Variants in DRC11 observed in about 807,000 individuals in gnomAD.
DRC11 encodes IQ and AAA domain-containing protein 1.
chr2:236,501,603 A>G, the DRC11 span, among the ~76,000 whole-genome samples: 1 of 152,186 alleles, frequency 6.6e-6, no homozygotes, highest in Non-Finnish European at 1.5e-5. Flanking sequence ...ACAGAGGATC[A>G]GCATGGTGTG....
At chr2:236,433,966 A>G in the DRC11 span, among the ~76,000 whole-genome samples, 1 of 152,226 alleles carries the variant, frequency 6.6e-6, no homozygotes, top group African/African-American at 2.4e-5. Context: ...AAATATCAAA[A>G]ATGGATGTTA....
the DRC11 span, among the ~76,000 whole-genome samples, chr2:236,358,217 T>G: frequency 1.6e-5 from 2 of 124,936 alleles, no homozygotes; most frequent in African/African-American, 6.2e-5. Context: ...TATGAATATA[T>G]TATATACTGT....
At chr2:236,490,916 GTA>G in the DRC11 span, among the ~76,000 whole-genome samples, 15 of 143,394 alleles carry the variant, frequency 1.0e-4, no homozygotes, top group East Asian at 4.3e-4. This position sits in a 1 kb window ranked among gnomAD's most constrained non-coding sequence, Gnocchi z 5.5. Flanking sequence ...GTGTGTGTGT[GTA>G]TATATATGTG....
At chr2:236,455,685 G>A in the DRC11 span, among the ~76,000 whole-genome samples, 3 of 152,172 alleles carry the variant, frequency 2.0e-5, no homozygotes, top group Admixed American at 6.5e-5. This position sits in a 1 kb window ranked among gnomAD's most constrained non-coding sequence, Gnocchi z 5.7. Flanking sequence ...ACAAGCCTTC[G>A]AACGACAAAG....
chr2:236,472,433 T>G, the DRC11 span, among the ~76,000 whole-genome samples: 3 of 152,192 alleles, frequency 2.0e-5, no homozygotes, highest in African/African-American at 7.2e-5. The surrounding 1 kb of genome is among the most constrained non-coding windows in gnomAD (Gnocchi z 4.6). Context: ...AGTTCATAAC[T>G]TCAGCAGTAT....
At chr2:236,370,214 G>C in the DRC11 span, among the ~76,000 whole-genome samples, 1 of 152,184 alleles carries the variant, frequency 6.6e-6, no homozygotes, top group African/African-American at 2.4e-5. This position sits in a 1 kb window ranked among gnomAD's most constrained non-coding sequence, Gnocchi z 5.5. Context: ...TTTACACCAA[G>C]CATCACCGAA....
chr2:236,465,812 T>A, the DRC11 span: 1 of 725,262 alleles, frequency 1.4e-6, no homozygotes, highest in South Asian at 1.8e-5. This position sits in a 1 kb window ranked among gnomAD's most constrained non-coding sequence, Gnocchi z 6.2. Context: ...CCATAGTGTC[T>A]AGCAAAGGCA....
chr2:236,358,731 T>C, the DRC11 span, among the ~76,000 whole-genome samples: 1 of 149,276 alleles, frequency 6.7e-6, no homozygotes, highest in South Asian at 2.1e-4. Flanking sequence ...AACGTGCCCA[T>C]TTTACAGATG....
At chr2:236,472,703 A>T in the DRC11 span, among the ~76,000 whole-genome samples, 166 of 152,294 alleles carry the variant, frequency 1.1e-3, no homozygotes, top group African/African-American at 3.9e-3. The surrounding 1 kb of genome is among the most constrained non-coding windows in gnomAD (Gnocchi z 4.6). Flanking sequence ...ATCTGTCATA[A>T]GGGCCTCCTA....
At chr2:236,364,270 C>T in the DRC11 span, among the ~76,000 whole-genome samples, 12 of 150,668 alleles carry the variant, frequency 8.0e-5, no homozygotes, top group Admixed American at 7.9e-4. Context: ...TTTTAAAGAG[C>T]ATTCCTGCAA....
the DRC11 span, among the ~76,000 whole-genome samples, chr2:236,486,045 C>G: frequency 1.3e-5 from 2 of 152,210 alleles, no homozygotes; most frequent in Admixed American, 6.5e-5. The surrounding 1 kb of genome is among the most constrained non-coding windows in gnomAD (Gnocchi z 5.7). Context: ...CTTCTGTGAT[C>G]ATTTGCATAA....
chr2:236,363,720 G>T, the DRC11 span: 117 of 1,284,744 alleles, frequency 9.1e-5, no homozygotes, highest in African/African-American at 1.5e-3. The surrounding 1 kb of genome is among the most constrained non-coding windows in gnomAD (Gnocchi z 5.6). Flanking sequence ...TATCTGCAGG[G>T]TTTGAAAATG....
At chr2:236,314,766 C>A in the DRC11 span, among the ~76,000 whole-genome samples, 1 of 152,044 alleles carries the variant, frequency 6.6e-6, no homozygotes, top group Non-Finnish European at 1.5e-5. The surrounding 1 kb of genome is among the most constrained non-coding windows in gnomAD (Gnocchi z 4.5). Flanking sequence ...GATATCTACA[C>A]AGAAAATTAC....
At chr2:236,339,310 T>C in the DRC11 span, among the ~76,000 whole-genome samples, 1 of 152,244 alleles carries the variant, frequency 6.6e-6, no homozygotes, top group African/African-American at 2.4e-5. Flanking sequence ...GTTCTATTAA[T>C]AGATAGAAGT....
chr2:236,343,117 G>A, the DRC11 span, among the ~76,000 whole-genome samples: 6 of 152,104 alleles, frequency 3.9e-5, no homozygotes, highest in East Asian at 1.9e-4. The surrounding 1 kb of genome is among the most constrained non-coding windows in gnomAD (Gnocchi z 6.6). Context: ...GCTTCTTCAC[G>A]GCTTTCAGCT....
chr2:236,491,175 AT>A, the DRC11 span, among the ~76,000 whole-genome samples: 1 of 62,216 alleles, frequency 1.6e-5, no homozygotes, highest in Admixed American at 1.7e-4. Flanking sequence ...ATATATATAT[AT>A]ATATACACAC....
chr2:236,361,421 ATTTC>A, the DRC11 span, among the ~76,000 whole-genome samples: 2 of 152,186 alleles, frequency 1.3e-5, no homozygotes, highest in African/African-American at 4.8e-5. The surrounding 1 kb of genome is among the most constrained non-coding windows in gnomAD (Gnocchi z 5.7). Flanking sequence ...AAAAGAGTAT[ATTTC>A]TTCTCTCAAT....
At chr2:236,358,482 A>G in the DRC11 span, among the ~76,000 whole-genome samples, 1 of 144,438 alleles carries the variant, frequency 6.9e-6, no homozygotes, top group Admixed American at 7.0e-5. Context: ...AATATTTGAC[A>G]AATGATGAAC....
the DRC11 span, among the ~76,000 whole-genome samples, chr2:236,414,896 G>A: frequency 6.6e-6 from 1 of 152,092 alleles, no homozygotes; most frequent in Non-Finnish European, 1.5e-5. Flanking sequence ...TGACAATCCT[G>A]CTCTTTCTCA....
Sources: gnomAD v4.1 joint callset for allele counts (sites outside exome capture counted in the v4.1 genomes callset) on GRCh38, gnomAD v4.1.1 for gene constraint, Gnocchi (gnomAD v3.1) non-coding constraint, MANE v1.5 for transcripts, NCBI Gene and HGNC (gene_info 2026-07-23, HGNC 2026-07-21) for gene names.